Variants in LRP1B observed in about 807,000 individuals in gnomAD.
LRP1B encodes the protein LDL receptor related protein 1B, also known as low-density lipoprotein receptor-related protein 1B.
Under a neutral mutation model 556.6 loss-of-function variants are expected in LRP1B, and 217 were observed. The ratio of observed to expected loss-of-function variants is 0.39; its 90% CI spans 0.35 to 0.44. The LOEUF (loss-of-function observed/expected upper bound fraction) is 0.44. Among genes scored for constraint, LRP1B ranks in the 20% least tolerant of loss-of-function variants. The pLI is 1.00. For synonymous variants in LRP1B, 2,047 were observed against 1,865.8 expected (o/e 1.10, Z -2.50); for missense variants, 5,053 against 5,620.8 (o/e 0.90, Z 3.23).
Position 141,923,252 on chromosome 2 carries a change from G to T in LRP1B, c.83-112851C>A, listed in dbSNP as rs115927270. Among the ~76,000 whole-genome samples, 1,275 of 151,490 alleles carry T rather than the reference G, an allele frequency of 8.4e-3. 20 individuals carry two copies. The highest frequency in any genetic ancestry group is 0.028 in the African/African-American group (1,174 of 41,246). On this transcript the variant is annotated intron_variant, in intron 1 of 90. Transcript: ENST00000389484. ...AGTTACGGAAAAATTTATCCACAAG[G>T]GATGATGACTTGCCACCTCTACAGA...
At chr2:142,038,888 T>C (rs1703973011) in intron 1 of LRP1B, among the ~76,000 whole-genome samples, 1 of 151,648 alleles carries the variant, frequency 6.6e-6, no homozygotes, top group South Asian at 2.1e-4. Flanking sequence ...CGTAGTGGCC[T>C]TGTTGCTAAA....
chr2:140,788,540 G>A (rs751502481), intron 32 of LRP1B, among the ~76,000 whole-genome samples: 2 of 152,132 alleles, frequency 1.3e-5, no homozygotes, highest in Non-Finnish European at 2.9e-5. Context: ...CCAGTAAAAT[G>A]ATATTAGAGT....
rs544853465 is a variant in LRP1B, at chr2:141,809,536, G to C, written c.205+743C>G. Among the ~76,000 whole-genome samples the C allele has an allele frequency of 2.3e-3, 348 of 151,866 alleles. 1 individual carries two copies. The highest frequency in any genetic ancestry group is 8.2e-3 in the African/African-American group (339 of 41,438). On this transcript the variant is annotated intron_variant, in intron 2 of 90. Transcript: ENST00000389484. ...ACTGTTCATACCCCTTATGGTAAGTGGGTATTAAAAAAAGTGGGCCATATT... is the reference window on the plus strand; with the variant it reads ...ACTGTTCATACCCCTTATGGTAAGTCGGTATTAAAAAAAGTGGGCCATATT...
intron 59 of LRP1B, among the ~76,000 whole-genome samples, chr2:140,483,587 CAT>C (rs1163331116): frequency 7.2e-5 from 10 of 138,784 alleles, no homozygotes; most frequent in African/African-American, 2.6e-4. Context: ...TGTACACACA[CAT>C]ATATATAGAC....
intron 1 of LRP1B, among the ~76,000 whole-genome samples, chr2:142,094,387 G>A (rs1020215845): frequency 6.6e-5 from 10 of 151,908 alleles, no homozygotes; most frequent in Admixed American, 2.0e-4. Flanking sequence ...AGTATAAGAC[G>A]GTAATGGATT....
rs551501114 is a variant in LRP1B, at chr2:141,848,219, G to A, written c.83-37818C>T. 6.6e-5 allele frequency among the ~76,000 whole-genome samples: 10 copies of A among 151,506 alleles called. No homozygotes were observed. The South Asian group carries it at 1.2e-3, about 19-fold the overall frequency. ...TAAACCTGAAAACCTATTCTGAAACGCAGTATTTTTTATGTATATACTATA... is the reference window on the plus strand; with the variant it reads ...TAAACCTGAAAACCTATTCTGAAACACAGTATTTTTTATGTATATACTATA... On this transcript the variant is annotated intron_variant, in intron 1 of 90. Transcript: ENST00000389484.
chr2:140,835,154 A>T (rs1202414198), intron 31 of LRP1B, among the ~76,000 whole-genome samples: 1 of 152,216 alleles, frequency 6.6e-6, no homozygotes, highest in Non-Finnish European at 1.5e-5. Flanking sequence ...AGACACAGGA[A>T]TAGTTCTGAA....
intron 5 of LRP1B, among the ~76,000 whole-genome samples, chr2:141,240,801 GA>G (rs1223960145): frequency 1.3e-5 from 2 of 151,972 alleles, no homozygotes; most frequent in Non-Finnish European, 2.9e-5. Flanking sequence ...CTCAAACACG[GA>G]AGTTCTCAGC....
chr2:140,291,182 G>C (rs1683355751), intron 84 of LRP1B, among the ~76,000 whole-genome samples: 1 of 150,006 alleles, frequency 6.7e-6, no homozygotes, highest in African/African-American at 2.4e-5. Context: ...CTTTCCCTTT[G>C]CATATGCTGT....
intron 72 of LRP1B, among the ~76,000 whole-genome samples, chr2:140,360,208 G>T (rs1682441980): frequency 6.6e-6 from 1 of 151,376 alleles, no homozygotes; most frequent in African/African-American, 2.4e-5. Context: ...TCACTATCTT[G>T]CTCGTGCCAA....
intron 1 of LRP1B, among the ~76,000 whole-genome samples, chr2:142,117,778 G>A (rs190870370): frequency 6.6e-6 from 1 of 152,270 alleles, no homozygotes; most frequent in African/African-American, 2.4e-5. Context: ...CTCAAGGCCA[G>A]AGTCTGCTCA....
At chr2:142,056,336 A>C (rs1290173422) in intron 1 of LRP1B, among the ~76,000 whole-genome samples, 2 of 152,126 alleles carry the variant, frequency 1.3e-5, no homozygotes, top group Admixed American at 1.3e-4. Flanking sequence ...TTTAAAGGGC[A>C]AACTAAAATT....
intron 43 of LRP1B, among the ~76,000 whole-genome samples, chr2:140,581,441 A>G (rs564094953): frequency 6.6e-6 from 1 of 151,826 alleles, no homozygotes; most frequent in Admixed American, 6.6e-5. Flanking sequence ...GGGATCGCAT[A>G]CCTAATAGAG....
At chr2:140,543,371 TG>T (rs1680206885) in intron 43 of LRP1B, among the ~76,000 whole-genome samples, 2 of 110,142 alleles carry the variant, frequency 1.8e-5, no homozygotes, top group South Asian at 7.4e-4. Context: ...AACTAAAAAC[TG>T]GGTTTTTTTA....
At chr2:141,822,122 C>CAGAGAGAGAGAGAG (rs1427035383) in intron 1 of LRP1B, among the ~76,000 whole-genome samples, 32 of 106,276 alleles carry the variant, frequency 3.0e-4, no homozygotes, top group African/African-American at 3.4e-4. Context: ...CACACACACA[C>CAGAGAGAGAGAGAG]ACACACACAG....
chr2:141,365,482 G>GT (rs34195312), intron 3 of LRP1B, among the ~76,000 whole-genome samples: 1,634 of 138,336 alleles, frequency 0.012, 18 homozygotes, highest in African/African-American at 0.031. Flanking sequence ...GCTTAGAAGT[G>GT]TTTTTTTTTT....
At chr2:141,278,035 C>A (rs1037387802) in intron 3 of LRP1B, among the ~76,000 whole-genome samples, 2 of 152,126 alleles carry the variant, frequency 1.3e-5, no homozygotes, top group African/African-American at 4.8e-5. Flanking sequence ...TCAAGCTTAT[C>A]TTCCCAATAT....
chr2:141,778,245 A>T (rs1695139670), intron 2 of LRP1B, among the ~76,000 whole-genome samples: 1 of 152,226 alleles, frequency 6.6e-6, no homozygotes, highest in African/African-American at 2.4e-5. Context: ...ATTCGCCTGC[A>T]TCCATTTTCC....
At chr2:141,769,904 AAG>A (rs1299660628) in intron 2 of LRP1B, among the ~76,000 whole-genome samples, 1 of 152,168 alleles carries the variant, frequency 6.6e-6, no homozygotes, top group African/African-American at 2.4e-5. Flanking sequence ...AGTTAATGCT[AAG>A]AGAGGTTAAG....
Sources: allele counts gnomAD v4.1 joint callset (sites outside exome capture counted in the v4.1 genomes callset), GRCh38; gene constraint gnomAD v4.1.1; transcripts MANE v1.5; gene names NCBI Gene and HGNC (gene_info 2026-07-23, HGNC 2026-07-21).